The following TBC1D32 variants were observed in gnomAD, a reference collection of about 807,000 sequenced individuals.
TBC1D32 encodes TBC1 domain family member 32.
TBC1D32 carries 151 observed loss-of-function variants against 170.3 expected under a neutral mutation model. The ratio of observed to expected loss-of-function variants is 0.89; its 90% CI spans 0.78 to 1.01. The LOEUF (loss-of-function observed/expected upper bound fraction) is 1.01, where lower values mean the gene tolerates loss of function less well. TBC1D32 is among the 50% of genes least tolerant of loss of function. The probability of loss-of-function intolerance (pLI) is 0.00; values close to 1 mark genes in which losing one functional copy is unlikely to be tolerated. For missense variants in TBC1D32, 1,464 were observed against 1,457.1 expected (o/e 1.00, Z -0.08); for synonymous variants, 498 against 488.0 (o/e 1.02, Z -0.27).
rs549367429 is a variant in TBC1D32 at position 121,202,392 on chromosome 6, C to A, written c.2570+2683G>T. Among the ~76,000 whole-genome samples the A allele has an allele frequency of 3.2e-4, 47 of 148,156 alleles. 2 individuals carry two copies. The highest frequency in any genetic ancestry group is 9.1e-4 in the African/African-American group (36 of 39,634). ...AAAAAAAAAAAATGGTCCCCTATAT[C>A]AAATGCTACTGACAGTTATAGTAAG... is the stretch of plus-strand genomic sequence containing the variant. On this transcript the variant is annotated intron_variant, in intron 22 of 31. Transcript: ENST00000398212.
intron 15 of TBC1D32, among the ~76,000 whole-genome samples, chr6:121,273,951 T>A (rs1563186460): frequency 6.6e-6 from 1 of 152,116 alleles, no homozygotes; most frequent in Non-Finnish European, 1.5e-5. Context: ...TGTGCTGGAG[T>A]TTCTCTGAGC....
intron 20 of TBC1D32, among the ~76,000 whole-genome samples, chr6:121,231,688 A>G (rs115262437): frequency 0.015 from 2,281 of 152,098 alleles, 42 homozygotes; most frequent in African/African-American, 0.045. Context: ...ACATTTTTCC[A>G]TGTGCTTGTT....
chr6:121,103,277 A>G (rs759187750), intron 30 of TBC1D32, among the ~76,000 whole-genome samples: 22 of 152,228 alleles, frequency 1.4e-4, no homozygotes, highest in Admixed American at 2.6e-4. Context: ...GTAAGGACAC[A>G]TGCACACGTA....
At chr6:121,324,175 TATAAG>T (rs1386932063) in intron 1 of TBC1D32, among the ~76,000 whole-genome samples, 5 of 152,172 alleles carry the variant, frequency 3.3e-5, no homozygotes, top group African/African-American at 9.7e-5. Flanking sequence ...TCAGAAGTGT[TATAAG>T]ATATTTTATA....
At chr6:121,197,935 G>C (rs1050583518) in intron 22 of TBC1D32, among the ~76,000 whole-genome samples, 2 of 151,992 alleles carry the variant, frequency 1.3e-5, no homozygotes, top group Non-Finnish European at 2.9e-5. Flanking sequence ...AGCTGCTAGA[G>C]AATATAAAGC....
intron 22 of TBC1D32, among the ~76,000 whole-genome samples, chr6:121,175,461 T>A (rs1359796005): frequency 6.6e-6 from 1 of 152,208 alleles, no homozygotes; most frequent in Admixed American, 6.5e-5. Flanking sequence ...GCAAATTTAA[T>A]CCAGCAGTTA....
At chr6:121,170,112 T>C (rs2128252345) in intron 22 of TBC1D32, among the ~76,000 whole-genome samples, 1 of 151,952 alleles carries the variant, frequency 6.6e-6, no homozygotes, top group East Asian at 1.9e-4. Flanking sequence ...AGTTAGGTCT[T>C]ACCTAGTATT....
chr6:121,325,868 C>G (rs988073804), intron 1 of TBC1D32, among the ~76,000 whole-genome samples: 1 of 152,062 alleles, frequency 6.6e-6, no homozygotes, highest in African/African-American at 2.4e-5. Context: ...TTTTTGCAAT[C>G]TACTCATCTG....
At chr6:121,093,329 A>G (rs1777033779) in intron 30 of TBC1D32, among the ~76,000 whole-genome samples, 1 of 152,140 alleles carries the variant, frequency 6.6e-6, no homozygotes, top group Non-Finnish European at 1.5e-5. Flanking sequence ...GGCAGACTGA[A>G]GCAGTCAGTA....
intron 17 of TBC1D32, 70 bp downstream of exon 17, chr6:121,255,258 T>C: frequency 1.1e-6 from 1 of 946,432 alleles, no homozygotes; most frequent in Non-Finnish European, 1.5e-6. Flanking sequence ...AGTATTCTAT[T>C]ACATTTTAAT....
At chr6:121,283,795 A>C in intron 13 of TBC1D32, 23 bp downstream of exon 13, 1 of 1,525,040 alleles carries the variant, frequency 6.6e-7, no homozygotes, top group Non-Finnish European at 9.0e-7. Flanking sequence ...ATATTTCTCT[A>C]TTTAAAATAG....
At chr6:121,242,741 A>G (rs1344929460) in intron 17 of TBC1D32, among the ~76,000 whole-genome samples, 1 of 152,106 alleles carries the variant, frequency 6.6e-6, no homozygotes, top group Non-Finnish European at 1.5e-5. Context: ...TTCTGCTTTC[A>G]AAAGCACGTG....
chr6:121,154,841 A>G (rs1385751291), intron 24 of TBC1D32, among the ~76,000 whole-genome samples: 4 of 152,102 alleles, frequency 2.6e-5, no homozygotes, highest in Admixed American at 6.6e-5. Context: ...TGGGTTCTCT[A>G]TTCTGTTTTA....
intron 12 of TBC1D32, among the ~76,000 whole-genome samples, chr6:121,289,480 C>T (rs1348135231): frequency 1.3e-5 from 2 of 152,122 alleles, no homozygotes; most frequent in Non-Finnish European, 2.9e-5. Flanking sequence ...AACTACAAAC[C>T]ACTGCTCAAT....
intron 21 of TBC1D32, among the ~76,000 whole-genome samples, chr6:121,213,287 A>T (rs1025780878): frequency 4.6e-5 from 7 of 152,074 alleles, no homozygotes; most frequent in Non-Finnish European, 7.4e-5. Flanking sequence ...GCATGATTCT[A>T]TATCTAGAGA....
chr6:121,297,622 G>A (rs564259086), intron 10 of TBC1D32, among the ~76,000 whole-genome samples: 1 of 152,008 alleles, frequency 6.6e-6, no homozygotes, highest in Admixed American at 6.6e-5. Flanking sequence ...CTTTTTCAGG[G>A]ATATCTATAA....
At chr6:121,083,585 C>T (rs1315976922) in intron 31 of TBC1D32, among the ~76,000 whole-genome samples, 1 of 149,616 alleles carries the variant, frequency 6.7e-6, no homozygotes, top group Non-Finnish European at 1.5e-5. Flanking sequence ...AATATGCATT[C>T]ATCTGTTTTC....
At chr6:121,317,803 C>T in intron 2 of TBC1D32, 131 bp from the exon 3 acceptor site, 4 of 547,906 alleles carry the variant, frequency 7.3e-6, no homozygotes, top group Admixed American at 4.1e-5. Flanking sequence ...GGAGAAAAAT[C>T]GAACTCAATT....
chr6:121,126,445 A>T lies in TBC1D32; in HGVS notation c.2916T>A (p.Leu972=), dbSNP rs780991327. The part of the protein sequence containing the change: ...IISGEALIEL[L]EKFVLHLTES... Reference sequence around the variant, plus strand: ...CAGTGAGATGAAGCACAAATTTTTCAAGTAATTCTATTAAGGCTGTAATAA... The same window carrying T: ...CAGTGAGATGAAGCACAAATTTTTCTAGTAATTCTATTAAGGCTGTAATAA... The change falls in exon 26 of 32, where the codon CTT becomes CTA. Residue 972 remains leucine, a synonymous_variant. Transcript: ENST00000398212. The T allele has an allele frequency of 8.1e-6, 13 of 1,611,882 alleles. No individual in the cohort carries two copies. Among genetic ancestry groups the T allele is most frequent in the Admixed American group, 6.7e-5 (4 of 59,908 alleles).
Sources: gnomAD v4.1 joint callset for allele counts (sites outside exome capture counted in the v4.1 genomes callset) on GRCh38, gnomAD v4.1.1 for gene constraint, MANE v1.5 for transcripts, NCBI Gene and HGNC (gene_info 2026-07-23, HGNC 2026-07-21) for gene names.